PLCZ1: variants seen among roughly 807,000 people sequenced by gnomAD.
PLCZ1 encodes phospholipase C zeta 1.
A neutral mutation model predicts 76.8 loss-of-function variants in PLCZ1; 64 were observed. The ratio of observed to expected loss-of-function variants is 0.83; its 90% confidence interval spans 0.68 to 1.03. The LOEUF is 1.03. Ranked by LOEUF, PLCZ1 falls within the 50% of genes least tolerant of loss-of-function variation. The pLI is 0.00. For synonymous variants in PLCZ1, 248 were observed against 230.8 expected, an observed-to-expected ratio of 1.07 and a Z score of -0.68; for missense variants, 751 against 713.7, an observed-to-expected ratio of 1.05 and a Z score of -0.60.
intron 12 of PLCZ1, chr12:18,693,415 A>G: frequency 1.9e-6 from 3 of 1,604,398 alleles, no homozygotes; most frequent in Non-Finnish European, 2.5e-6. Flanking sequence ...TATTATGAAG[A>G]GATGGGTATA....
At chr12:18,681,033 T>G (rs1279847760), downstream of PLCZ1, among the ~76,000 whole-genome samples, 1 of 152,196 alleles carries the variant, frequency 6.6e-6, no homozygotes, top group South Asian at 2.1e-4. Flanking sequence ...TTGCCGTGCA[T>G]TCAGTCATGA....
intron 6 of PLCZ1, among the ~76,000 whole-genome samples, chr12:18,710,824 C>G (rs1035183674): frequency 6.6e-6 from 1 of 152,090 alleles, no homozygotes; most frequent in African/African-American, 2.4e-5. Flanking sequence ...CAAATCAAAA[C>G]CACAATGAGA....
intron 14 of PLCZ1, chr12:18,683,752 C>T (rs1952679362): frequency 7.9e-6 from 5 of 634,304 alleles, no homozygotes; most frequent in Non-Finnish European, 1.3e-5. Context: ...AAAGGATAGT[C>T]TCAGGCTCCC....
rs764439244 is a variant in PLCZ1 at position 18,688,088 on chromosome 12, C to A, written c.1591+1G>T. On this transcript the variant is annotated splice_donor_variant, in intron 13 of 14. Transcript: ENST00000266505. LOFTEE classifies it high-confidence loss of function. ...TTCAATAAGGTATATCAGGAGCTCA[C>A]CATTTTTTTTAATTACACGAGTCTG... The A allele has an allele frequency of 1.9e-6, 3 of 1,610,498 alleles. No homozygotes were observed. Among genetic ancestry groups the A allele is most frequent in the Non-Finnish European group, 1.7e-6 (2 of 1,178,756 alleles).
intron 6 of PLCZ1, among the ~76,000 whole-genome samples, chr12:18,707,739 G>C (rs1188758659): frequency 6.6e-6 from 1 of 152,032 alleles, no homozygotes; most frequent in Admixed American, 6.6e-5. Flanking sequence ...TGACTACCTT[G>C]AGTAGGAAGT....
At chr12:18,721,051 G>T (rs1193725892) in intron 4 of PLCZ1, among the ~76,000 whole-genome samples, 1 of 152,034 alleles carries the variant, frequency 6.6e-6, no homozygotes, top group African/African-American at 2.4e-5. Context: ...GAAGATAGAA[G>T]TGTATGGAGC....
chr12:18,650,698 GTGTGTGTATATATCTATA>G, the PLCZ1 span, among the ~76,000 whole-genome samples: 298 of 29,074 alleles, frequency 0.01, 11 homozygotes, highest in Non-Finnish European at 0.014. Flanking sequence ...GTGTGTGTGT[GTGTGTGTATATATCTATA>G]TATATATATA....
chr12:18,719,935 A>C (rs1001136020), intron 4 of PLCZ1, among the ~76,000 whole-genome samples: 2 of 152,112 alleles, frequency 1.3e-5, no homozygotes, highest in African/African-American at 4.8e-5. Flanking sequence ...CAAGCTACAC[A>C]TCTGGATGAC....
At chr12:18,653,126 C>G in the PLCZ1 span, among the ~76,000 whole-genome samples, 3 of 152,136 alleles carry the variant, frequency 2.0e-5, no homozygotes, top group Admixed American at 2.0e-4. Flanking sequence ...GGTTATAGAT[C>G]ATTGCCTGGC....
chr12:18,698,646 A>T (rs1441243535), intron 10 of PLCZ1, among the ~76,000 whole-genome samples: 2 of 151,920 alleles, frequency 1.3e-5, no homozygotes, highest in African/African-American at 4.8e-5. Context: ...TTAACTTTTA[A>T]TTTTTGTGGG....
At chr12:18,693,526 G>A (rs769301932) in intron 12 of PLCZ1, 8 of 1,611,846 alleles carry the variant, frequency 5.0e-6, no homozygotes, top group Non-Finnish European at 6.8e-6. Context: ...TCTTGAGAGT[G>A]GTTGGCTCTG....
chr12:18,667,045 G>T, the PLCZ1 span, among the ~76,000 whole-genome samples: 1 of 152,094 alleles, frequency 6.6e-6, no homozygotes, highest in Non-Finnish European at 1.5e-5. Flanking sequence ...TCACCAGACA[G>T]AGTGCATCCT....
the PLCZ1 span, among the ~76,000 whole-genome samples, chr12:18,677,475 A>AG: frequency 6.6e-6 from 1 of 152,098 alleles, no homozygotes; most frequent in Non-Finnish European, 1.5e-5. Context: ...CTGCTTGGCC[A>AG]GACCTTCTGA....
In PLCZ1 at chr12:18,737,258, G is replaced by A. The variant is rs911976191; in HGVS notation, c.11+103C>T. ...GGAAAAGCAGTTCAACTTAAATGAA[G>A]AGGACTTAAATTCAGAACTCCTCGA... On this transcript the variant is annotated intron_variant, in intron 2 of 14. Coordinates refer to ENST00000266505, the MANE Select transcript of PLCZ1 (RefSeq NM_033123.4). 3.2e-6 allele frequency: 4 copies of A among 1,254,156 alleles called. No individual in the cohort carries two copies. In the Admixed American group the frequency reaches 6.8e-5, roughly 21 times the overall value. 77.7% of individuals were successfully genotyped at this position (1,254,156 alleles called of 1,614,324 possible).
the PLCZ1 span, among the ~76,000 whole-genome samples, chr12:18,655,566 G>A: frequency 6.6e-6 from 1 of 152,118 alleles, no homozygotes; most frequent in Non-Finnish European, 1.5e-5. Flanking sequence ...ATATGGAAAA[G>A]AGGATTGGGG....
chr12:18,732,598 C>T (rs1959117683), intron 3 of PLCZ1, among the ~76,000 whole-genome samples: 1 of 152,178 alleles, frequency 6.6e-6, no homozygotes, highest in Non-Finnish European at 1.5e-5. Context: ...ATAACAGAAA[C>T]TATACCCTTT....
chr12:18,730,316 T>C (rs937823783), intron 3 of PLCZ1, among the ~76,000 whole-genome samples: 3 of 152,146 alleles, frequency 2.0e-5, no homozygotes, highest in African/African-American at 7.2e-5. Flanking sequence ...ATCCATAAAA[T>C]ACAGTTAACC....
chr12:18,675,380 C>T, the PLCZ1 span, among the ~76,000 whole-genome samples: 2 of 152,130 alleles, frequency 1.3e-5, no homozygotes, highest in African/African-American at 2.4e-5. Flanking sequence ...CAGATCTTCA[C>T]ATGGATGCAG....
At chr12:18,655,015 C>A in the PLCZ1 span, among the ~76,000 whole-genome samples, 2 of 151,286 alleles carry the variant, frequency 1.3e-5, no homozygotes, top group Non-Finnish European at 2.9e-5. Flanking sequence ...AAGTTATAAA[C>A]CCAGCCGAAA....
Sources: gnomAD v4.1 joint callset for allele counts (sites outside exome capture counted in the v4.1 genomes callset) on GRCh38, gnomAD v4.1.1 for gene constraint, MANE v1.5 for transcripts, NCBI Gene and HGNC (gene_info 2026-07-23, HGNC 2026-07-21) for gene names.